ST3GAL3: variants seen among roughly 807,000 people sequenced by gnomAD.
ST3GAL3 encodes CMP-N-acetylneuraminate-beta-1,4-galactoside alpha-2,3-sialyltransferase.
A neutral mutation model predicts 50.1 loss-of-function variants in ST3GAL3; 21 were observed. The observed-to-expected ratio is 0.42, with a 90% CI of 0.30 to 0.60. The LOEUF is 0.60. ST3GAL3 is among the 20% of genes least tolerant of loss of function. ST3GAL3 has a pLI of 0.19. For missense variants in ST3GAL3, 353 were observed against 489.4 expected (o/e 0.72, Z 2.63); for synonymous variants, 183 against 190.0 (o/e 0.96, Z 0.30).
intron 11 of ST3GAL3, among the ~76,000 whole-genome samples, chr1:43,928,604 A>C (rs972100620): frequency 6.6e-6 from 1 of 150,872 alleles, no homozygotes; most frequent in South Asian, 2.1e-4. Flanking sequence ...CATCTGAAAA[A>C]AAAAACAAAA....
At chr1:43,789,225 AG>A (rs1325662508) in intron 2 of ST3GAL3, among the ~76,000 whole-genome samples, 1 of 152,142 alleles carries the variant, frequency 6.6e-6, no homozygotes, top group Non-Finnish European at 1.5e-5. Flanking sequence ...TTGGAGGCAG[AG>A]GTGTGTTTTG....
At chr1:43,736,168 T>C (rs1678333311) in intron 1 of ST3GAL3, 65 bp from the exon 2 acceptor site, 4 of 1,426,620 alleles carry the variant, frequency 2.8e-6, no homozygotes, top group Non-Finnish European at 4.0e-6. Flanking sequence ...ATAGATACTT[T>C]AAGAGAGAAT....
intron 1 of ST3GAL3, among the ~76,000 whole-genome samples, chr1:43,718,521 G>GTT (rs11420276): frequency 2.0e-5 from 3 of 150,004 alleles, no homozygotes; most frequent in Non-Finnish European, 1.5e-5. Flanking sequence ...TCTTGCTTGA[G>GTT]TTTTTTTTTA....
At chr1:43,756,100 C>CAAAAAAAAAAAAAAAAAAAAAAAAA (rs139101819) in intron 2 of ST3GAL3, among the ~76,000 whole-genome samples, 1 of 72,136 alleles carries the variant, frequency 1.4e-5, no homozygotes, top group African/African-American at 7.3e-5. Context: ...GAACCAGTCT[C>CAAAAAAAAAAAAAAAAAAAAAAAAA]AAAAAAAAAA....
chr1:43,875,549 T>A (rs2073892964), intron 5 of ST3GAL3, among the ~76,000 whole-genome samples: 1 of 152,092 alleles, frequency 6.6e-6, no homozygotes, highest in Admixed American at 6.5e-5. Context: ...TGGGAAGTGA[T>A]TGGATCATGG....
rs1423745161 is a variant in ST3GAL3, at chr1:43,792,085, G to T, written c.119-17G>T. On this transcript the variant is annotated splice_polypyrimidine_tract_variant and intron_variant, in intron 2 of 11. Transcript: ENST00000347631. ...ATAAGAAGGAGAAAGAAATGAACTT[G>T]TCCTCTTGTGTTGCAGATTCAGTGG... 6.2e-7 allele frequency: 1 copy of T among 1,614,180 alleles called. No homozygotes were observed. The highest frequency in any genetic ancestry group is 8.5e-7 in the Non-Finnish European group (1 of 1,180,012).
intron 2 of ST3GAL3, chr1:43,736,627 T>C (rs1168300416): frequency 1.6e-6 from 1 of 633,764 alleles, no homozygotes; most frequent in Admixed American, 2.5e-5. Flanking sequence ...AATGTGCTAT[T>C]CTTCAATAAA....
chr1:43,767,381 C>T (rs2154128931), intron 2 of ST3GAL3, among the ~76,000 whole-genome samples: 1 of 152,108 alleles, frequency 6.6e-6, no homozygotes, highest in East Asian at 1.9e-4. Context: ...GGTAATGAGT[C>T]AGGTCACAAA....
chr1:43,801,230 T>C (rs1022504095), intron 3 of ST3GAL3: 2 of 455,716 alleles, frequency 4.4e-6, no homozygotes, highest in Admixed American at 4.7e-5. Flanking sequence ...ATGGGCAATA[T>C]TTGTGGTTGT....
At chr1:43,720,772 C>T (rs60893486) in intron 1 of ST3GAL3, among the ~76,000 whole-genome samples, 3,433 of 152,266 alleles carry the variant, frequency 0.023, 140 homozygotes, top group African/African-American at 0.079. Flanking sequence ...GTTACATACC[C>T]TCTTCCACTC....
At chr1:43,877,379 C>T (rs754821022) in intron 5 of ST3GAL3, among the ~76,000 whole-genome samples, 1 of 152,132 alleles carries the variant, frequency 6.6e-6, no homozygotes, top group Non-Finnish European at 1.5e-5. Context: ...AGAGTTGGCT[C>T]ACCCTTCTCA....
intron 3 of ST3GAL3, among the ~76,000 whole-genome samples, chr1:43,794,745 A>G (rs2058492871): frequency 6.6e-6 from 1 of 152,258 alleles, no homozygotes; most frequent in Admixed American, 6.5e-5. Flanking sequence ...AAAATGAGCA[A>G]ACCATAGCCA....
At chr1:43,880,294 C>T (rs560746407) in intron 5 of ST3GAL3, among the ~76,000 whole-genome samples, 98 of 152,322 alleles carry the variant, frequency 6.4e-4, no homozygotes, top group African/African-American at 2.3e-3. Context: ...CTACAGTCTA[C>T]ACCCTCACAC....
chr1:43,800,401 C>T (rs1308584860), intron 3 of ST3GAL3, among the ~76,000 whole-genome samples: 6 of 152,230 alleles, frequency 3.9e-5, no homozygotes, highest in Non-Finnish European at 8.8e-5. Flanking sequence ...GCCAGACCTT[C>T]TCAGGCCTCT....
chr1:43,915,557 C>T (rs1437226450), intron 9 of ST3GAL3, among the ~76,000 whole-genome samples: 1 of 152,026 alleles, frequency 6.6e-6, no homozygotes, highest in Non-Finnish European at 1.5e-5. Flanking sequence ...GTCAGTTCTG[C>T]CTTGGGGTGG....
At chr1:43,817,525 TTCC>T (rs1490027447) in intron 4 of ST3GAL3, among the ~76,000 whole-genome samples, 4 of 147,460 alleles carry the variant, frequency 2.7e-5, no homozygotes, top group African/African-American at 1.0e-4. Context: ...TTCATTCTTC[TTCC>T]TTCTTCTCCT....
chr1:43,879,714 A>G (rs1210320644), intron 5 of ST3GAL3, among the ~76,000 whole-genome samples: 1 of 151,516 alleles, frequency 6.6e-6, no homozygotes, highest in Non-Finnish European at 1.5e-5. Flanking sequence ...AAAAAGAATG[A>G]CTCCTAGGTT....
chr1:43,779,609 C>T (rs1338777599), intron 2 of ST3GAL3, among the ~76,000 whole-genome samples: 3 of 152,144 alleles, frequency 2.0e-5, no homozygotes, highest in African/African-American at 7.2e-5. Context: ...TGACTTTCTT[C>T]AATGGAAGAT....
chr1:43,788,970 A>T, intron 2 of ST3GAL3, among the ~76,000 whole-genome samples: 1 of 151,696 alleles, frequency 6.6e-6, no homozygotes. Context: ...AAACCTGCAG[A>T]GAAGACAATG....
Sources: allele counts gnomAD v4.1 joint callset (sites outside exome capture counted in the v4.1 genomes callset), GRCh38; gene constraint gnomAD v4.1.1; transcripts MANE v1.5; gene names NCBI Gene and HGNC (gene_info 2026-07-23, HGNC 2026-07-21).